NUMBL: variants seen among roughly 807,000 people sequenced by gnomAD.
NUMBL encodes the protein NUMB like endocytic adaptor protein.
NUMBL carries 20 observed loss-of-function variants against 48.9 expected under a neutral mutation model. That is an observed-to-expected ratio of 0.41 (90% confidence interval 0.29 to 0.59). The LOEUF (loss-of-function observed/expected upper bound fraction) is 0.59, where lower values mean the gene tolerates loss of function less well. Among genes scored for constraint, NUMBL ranks in the 20% least tolerant of loss-of-function variants. The pLI is 0.31. For synonymous variants in NUMBL, 340 were observed against 348.7 expected, an observed-to-expected ratio of 0.98 and a Z score of 0.28; for missense variants, 660 against 846.2, an observed-to-expected ratio of 0.78 and a Z score of 2.73.
intron 6 of NUMBL, among the ~76,000 whole-genome samples, chr19:40,680,689 T>TC (rs1352759396): frequency 6.6e-6 from 1 of 151,946 alleles, no homozygotes; most frequent in Non-Finnish European, 1.5e-5. Context: ...GCTCAGGCAA[T>TC]CCCCCCGCCC....
chr19:40,675,772 CAAAT>C (rs1036460480), intron 7 of NUMBL, among the ~76,000 whole-genome samples: 3 of 152,092 alleles, frequency 2.0e-5, no homozygotes, highest in African/African-American at 7.2e-5. Context: ...CTCTCTCTCT[CAAAT>C]AAAAGTATCA....
At chr19:40,690,351 C>T in intron 1 of NUMBL, 109 bp downstream of exon 1, 1 of 630,380 alleles carries the variant, frequency 1.6e-6, no homozygotes, top group Non-Finnish European at 2.3e-6. Flanking sequence ...CCACCCTCTC[C>T]AGCCTTGGCA....
chr19:40,690,259 A>G, intron 1 of NUMBL: 1 of 371,244 alleles, frequency 2.7e-6, no homozygotes. Flanking sequence ...CCTTGGCAAG[A>G]GATGGCCCAG....
rs2081942835 is a variant in NUMBL at position 40,687,868 on chromosome 19, T to C, written c.25-873A>G. Among the ~76,000 whole-genome samples, 1 of 152,216 alleles carries C rather than the reference T, an allele frequency of 6.6e-6. No individual in the cohort carries two copies. Among genetic ancestry groups the C allele is most frequent in the African/African-American group, 2.4e-5 (1 of 41,460 alleles). On this transcript the variant is annotated intron_variant, in intron 1 of 9. Transcript: ENST00000252891. This position sits in a 1 kb window ranked among gnomAD's most constrained non-coding sequence, Gnocchi z 4.6. ...CACATTTGGTCCCACGGAGACCACA[T>C]GCAGCCTCAACCAGACCAGTCACAC... is the stretch of plus-strand genomic sequence containing the variant.
chr19:40,681,600 GT>G (rs1467304291), intron 5 of NUMBL, among the ~76,000 whole-genome samples: 1 of 152,108 alleles, frequency 6.6e-6, no homozygotes, highest in Non-Finnish European at 1.5e-5. Context: ...ACTGGGCAGG[GT>G]GACAATAAAC....
chr19:40,687,537 C>T lies in NUMBL; in HGVS notation c.25-542G>A, dbSNP rs1417633451. 6.6e-6 allele frequency among the ~76,000 whole-genome samples: 1 copy of T among 152,188 alleles called. No individual in the cohort carries two copies. The highest frequency in any genetic ancestry group is 1.5e-5 in the Non-Finnish European group (1 of 68,030). On this transcript the variant is annotated intron_variant, in intron 1 of 9. Transcript: ENST00000252891. The surrounding 1 kb of genome is among the most constrained non-coding windows in gnomAD (Gnocchi z 4.6). ...ATGTCCTGGCCCACTCAGTTCCCAC[C>T]GCAGACACCTGGTCACACCACCCAC...
In NUMBL at chr19:40,669,887, C is replaced by G; in HGVS notation, c.1159+11G>C. 6.2e-7 allele frequency: 1 copy of G among 1,611,724 alleles called. No individual in the cohort carries two copies. Among genetic ancestry groups the G allele is most frequent in the Non-Finnish European group, 8.5e-7 (1 of 1,178,822 alleles). On this transcript the variant is annotated intron_variant, in intron 9 of 9. Transcript: ENST00000252891. ...TGCAGGGTGTCTGCCCAGCAGAAAG[C>G]CTGGCTTTACCTGTTGTGGCAGGTG...
chr19:40,673,333 C>A lies in NUMBL; in HGVS notation c.1036+11G>T. On this transcript the variant is annotated intron_variant, in intron 8 of 9. Coordinates refer to ENST00000252891, the MANE Select transcript of NUMBL (RefSeq NM_004756.5). The surrounding 1 kb of genome is among the most constrained non-coding windows in gnomAD (Gnocchi z 5.9). Reference sequence around the variant, plus strand: ...ATTCCAACGCCGTTTCCCACTGGGCCCAGGGCTCACCTGTGCCCTTCACCT... The same window carrying A: ...ATTCCAACGCCGTTTCCCACTGGGCACAGGGCTCACCTGTGCCCTTCACCT... The A allele has an allele frequency of 6.2e-7, 1 of 1,601,476 alleles. No homozygotes were observed.
At chr19:40,671,219 T>TCCTCCTG (rs2081845880) in intron 8 of NUMBL, among the ~76,000 whole-genome samples, 1 of 152,040 alleles carries the variant, frequency 6.6e-6, no homozygotes, top group Non-Finnish European at 1.5e-5. Context: ...GCTCAAGTGA[T>TCCTCCTG]CCTCCTGCCT....
intron 6 of NUMBL, among the ~76,000 whole-genome samples, chr19:40,679,586 G>A (rs974297161): frequency 1.3e-5 from 2 of 152,146 alleles, no homozygotes; most frequent in African/African-American, 2.4e-5. Context: ...ACTGAGACAG[G>A]AGAATTGCTT....
chr19:40,686,685 AT>A (rs2081936440), intron 2 of NUMBL, among the ~76,000 whole-genome samples: 1 of 111,456 alleles, frequency 9.0e-6, no homozygotes, highest in Non-Finnish European at 1.8e-5. Context: ...CTCTAACCGT[AT>A]ATCTACAGAT....
chr19:40,687,757 C>T lies in NUMBL; in HGVS notation c.25-762G>A, dbSNP rs543133136. ...ACCCATTTGCTGACCCAGTCCCACA[C>T]GACACAATCGCAGCTATATACACTT... On this transcript the variant is annotated intron_variant, in intron 1 of 9. Coordinates refer to ENST00000252891, the MANE Select transcript of NUMBL (RefSeq NM_004756.5). This position sits in a 1 kb window ranked among gnomAD's most constrained non-coding sequence, Gnocchi z 4.6. Among the ~76,000 whole-genome samples, 46 of 152,318 alleles carry T rather than the reference C, an allele frequency of 3.0e-4. No individual in the cohort carries two copies. In the East Asian group the frequency reaches 4.4e-3, roughly 15 times the overall value.
At chr19:40,679,335 T>C (rs750593851) in intron 6 of NUMBL, among the ~76,000 whole-genome samples, 4 of 152,184 alleles carry the variant, frequency 2.6e-5, no homozygotes, top group Non-Finnish European at 5.9e-5. Flanking sequence ...ATTGCACCAC[T>C]GCACACCAGC....
intron 6 of NUMBL, among the ~76,000 whole-genome samples, chr19:40,678,678 T>C (rs1405301162): frequency 6.6e-6 from 1 of 152,154 alleles, no homozygotes; most frequent in Non-Finnish European, 1.5e-5. Flanking sequence ...TATCTGGTTA[T>C]AGCAGCCTGA....
chr19:40,675,716 T>C (rs2081872405), intron 7 of NUMBL, among the ~76,000 whole-genome samples: 1 of 151,168 alleles, frequency 6.6e-6, no homozygotes, highest in Non-Finnish European at 1.5e-5. Flanking sequence ...TTAAGAGATA[T>C]CTTTTATATG....
At chr19:40,670,142 T>A in intron 8 of NUMBL, 122 bp from the exon 9 acceptor site, 3 of 1,222,260 alleles carry the variant, frequency 2.5e-6, no homozygotes, top group Non-Finnish European at 3.3e-6. Context: ...CTGTAGTAAC[T>A]AAGTGGCCAT....
intron 3 of NUMBL, 47 bp downstream of exon 3, chr19:40,684,370 C>CG: frequency 2.0e-6 from 3 of 1,525,848 alleles, no homozygotes; most frequent in Non-Finnish European, 2.6e-6. Context: ...CACAGCACAG[C>CG]GGCCCCCGTC....
Position 40,690,483 on chromosome 19 carries a change from TC to T in NUMBL, c.-1del. 1 of 1,296,874 alleles carries T rather than the reference TC, an allele frequency of 7.7e-7. No homozygotes were observed. Among genetic ancestry groups the T allele is most frequent in the Non-Finnish European group, 9.8e-7 (1 of 1,019,750 alleles). 80.3% of individuals were successfully genotyped at this position (1,296,874 alleles called of 1,614,324 possible). On this transcript the variant is annotated 5_prime_UTR_variant, in exon 1 of 10. Coordinates refer to ENST00000252891, the MANE Select transcript of NUMBL (RefSeq NM_004756.5). ...ACGCTGGCCGCCGCGCTGCGGGACA[TC>T]CAGGGCCCGGGCGCCCCCGCCTCCC...
rs1258427835 is a variant in NUMBL, at chr19:40,686,963, G to T, written c.57C>A (p.Pro19=). ...GGPRRPERHL[P]PAPCGAPGPP... Reference sequence around the variant, plus strand: ...GCCCCGGGGCCCCACAGGGGGCTGGGGGCAGGTGCCGCTCAGGCCTCCGGG... The same window carrying T: ...GCCCCGGGGCCCCACAGGGGGCTGGTGGCAGGTGCCGCTCAGGCCTCCGGG... The change falls in exon 2 of 10, where the codon CCC becomes CCA. Residue 19 remains proline, a synonymous_variant. Transcript: ENST00000252891. 1.3e-6 allele frequency: 2 copies of T among 1,535,910 alleles called. No individual in the cohort carries two copies. Among genetic ancestry groups the T allele is most frequent in the South Asian group, 2.4e-5 (2 of 82,754 alleles).
Sources: allele counts gnomAD v4.1 joint callset (sites outside exome capture counted in the v4.1 genomes callset), GRCh38; gene constraint gnomAD v4.1.1; non-coding constraint Gnocchi (gnomAD v3.1); transcripts MANE v1.5; gene names NCBI Gene and HGNC (gene_info 2026-07-23, HGNC 2026-07-21).